BCDIN3D: variants seen among roughly 807,000 people sequenced by gnomAD.
BCDIN3D encodes BCDIN3 domain containing RNA methyltransferase.
In BCDIN3D, 15 loss-of-function variants were observed where a neutral mutation model predicts 21.2. The observed-to-expected ratio is 0.71, with a 90% CI of 0.47 to 1.09. The LOEUF is 1.09. Ranked by LOEUF, BCDIN3D falls within the 50% of genes least tolerant of loss-of-function variation. BCDIN3D has a pLI of 0.00. For missense variants in BCDIN3D, 331 were observed against 366.2 expected, an observed-to-expected ratio of 0.90 and a Z score of 0.79; for synonymous variants, 127 against 141.9, an observed-to-expected ratio of 0.90 and a Z score of 0.75.
intron 1 of BCDIN3D, among the ~76,000 whole-genome samples, chr12:49,842,091 TTGTTTTTGAGACGGAGTCTCGCTCTG>T (rs1946557047): frequency 6.6e-6 from 1 of 152,266 alleles, no homozygotes; most frequent in African/African-American, 2.4e-5. Context: ...CTGTTTTGTT[TTGTTTTTGAGACGGAGTCTCGCTCTG>T]TCGCCCAGGC....
chr12:49,838,271 GT>G lies in BCDIN3D; in HGVS notation c.*99del. ...ACATTTTACCAAAAGCTCCTGCCAG[GT>G]TTTGCGGCTGCCTGATTGTTAAGGA... On this transcript the variant is annotated 3_prime_UTR_variant, in exon 2 of 2. Transcript: ENST00000333924. 2 of 1,284,522 alleles carry G rather than the reference GT, an allele frequency of 1.6e-6. No homozygotes were observed. Among genetic ancestry groups the G allele is most frequent in the South Asian group, 2.9e-5 (2 of 68,658 alleles). The allele number at this position is 1,284,522 out of a possible 1,614,324, so 79.6% of individuals were successfully genotyped here.
rs1416384247 is a variant in BCDIN3D at position 49,839,021 on chromosome 12, G to C, written c.235-6C>G. On this transcript the variant is annotated splice_region_variant and splice_polypyrimidine_tract_variant and intron_variant, in intron 1 of 1. Coordinates refer to ENST00000333924, the MANE Select transcript of BCDIN3D (RefSeq NM_181708.3). ...TATAGAGCCACACTCAGATCCTAGAGGAATCCAAAACAGCTTTGTCACTGC... is the reference window on the plus strand; with the variant it reads ...TATAGAGCCACACTCAGATCCTAGACGAATCCAAAACAGCTTTGTCACTGC... 7 of 1,606,518 alleles carry C rather than the reference G, an allele frequency of 4.4e-6. No individual in the cohort carries two copies. Among genetic ancestry groups the C allele is most frequent in the African/African-American group, 1.3e-5 (1 of 74,680 alleles).
chr12:49,839,490 G>C lies in BCDIN3D; in HGVS notation c.235-475C>G, dbSNP rs78908077. 4.9e-3 allele frequency: 782 copies of C among 159,470 alleles called. 3 individuals carry two copies. The highest frequency in any genetic ancestry group is 8.9e-3 in the Non-Finnish European group (643 of 72,194). The allele number at this position is 159,470 out of a possible 1,614,324, so 9.9% of individuals were successfully genotyped here. On this transcript the variant is annotated intron_variant, in intron 1 of 1. Coordinates refer to ENST00000333924, the MANE Select transcript of BCDIN3D (RefSeq NM_181708.3). ...TCAGACCCGCGGTGGGGGAAGTCTG[G>C]ATTCCAAAGTCCTCATTCAGCCTTC...
At position 49,836,608 on chromosome 12, in the gene BCDIN3D, A is replaced by C. The variant is rs571070858; in HGVS notation, c.*1763T>G. 1 of 152,248 alleles carries C rather than the reference A, an allele frequency of 6.6e-6. No individual in the cohort carries two copies. The highest frequency in any genetic ancestry group is 1.9e-4 in the East Asian group (1 of 5,188). 9.4% of individuals were successfully genotyped at this position (152,248 alleles called of 1,614,324 possible). Reference sequence around the variant, plus strand: ...TAGTTCCATATCCCTCCCTCCCAACACTGCTTCCTTTAAAATGCTCTGTAG... The same window carrying C: ...TAGTTCCATATCCCTCCCTCCCAACCCTGCTTCCTTTAAAATGCTCTGTAG... On this transcript the variant is annotated 3_prime_UTR_variant, in exon 2 of 2. Transcript: ENST00000333924.
Position 49,837,777 on chromosome 12 carries a change from A to T in BCDIN3D, c.*594T>A, listed in dbSNP as rs542256093. On this transcript the variant is annotated 3_prime_UTR_variant, in exon 2 of 2. Transcript: ENST00000333924. ...TAATATCACAAAATTGTATACTTTT[A>T]AAAAAATTATCAATTTATCTTTTAA... 2.0e-5 allele frequency: 3 copies of T among 151,970 alleles called. No homozygotes were observed. The highest frequency in any genetic ancestry group is 1.9e-4 in the East Asian group (1 of 5,174). The allele number at this position is 151,970 out of a possible 1,614,324, so 9.4% of individuals were successfully genotyped here. A position where few individuals can be genotyped will look rare whatever the true frequency, so the allele number is the denominator to read the frequency against.
At chr12:49,839,043 C>T (rs1037605003) in intron 1 of BCDIN3D, 28 bp from the exon 2 acceptor site, 2 of 1,593,984 alleles carry the variant, frequency 1.3e-6, no homozygotes, top group African/African-American at 1.3e-5. Flanking sequence ...AGCTTTGTCA[C>T]TGCAGTTCTC....
chr12:49,838,487 A>T lies in BCDIN3D; in HGVS notation c.763T>A (p.Trp255Arg), dbSNP rs201091329. The T allele has an allele frequency of 1.9e-6, 3 of 1,614,128 alleles. No individual in the cohort carries two copies. Among genetic ancestry groups the T allele is most frequent in the Non-Finnish European group, 2.5e-6 (3 of 1,180,026 alleles). Reference sequence around the variant, plus strand: ...CTGAAGAGCAGAAGGCTTCTGTCCCAACTGGTGTTGCCAAAGCAACATATT... The same window carrying T: ...CTGAAGAGCAGAAGGCTTCTGTCCCTACTGGTGTTGCCAAAGCAACATATT... The part of the protein sequence containing the change: ...ELICCFGNTS[W>R]DRSLLLFRAK... The change falls in exon 2 of 2, where the codon TGG becomes AGG. Residue 255 changes from tryptophan to arginine, a missense_variant. Coordinates refer to ENST00000333924, the MANE Select transcript of BCDIN3D (RefSeq NM_181708.3).
chr12:49,839,077 T>A (rs1420784849), intron 1 of BCDIN3D, 62 bp from the exon 2 acceptor site: 9 of 1,511,270 alleles, frequency 6.0e-6, no homozygotes, highest in Non-Finnish European at 8.1e-6. Flanking sequence ...AAGAGAAATC[T>A]GTATCATTCT....
Position 49,836,957 on chromosome 12 carries a change from C to T in BCDIN3D, c.*1414G>A, listed in dbSNP as rs967216719. 6.6e-6 allele frequency: 1 copy of T among 152,176 alleles called. No homozygotes were observed. The highest frequency in any genetic ancestry group is 2.4e-5 in the African/African-American group (1 of 41,428). 9.4% of individuals were successfully genotyped at this position (152,176 alleles called of 1,614,324 possible). On this transcript the variant is annotated 3_prime_UTR_variant, in exon 2 of 2. Coordinates refer to ENST00000333924, the MANE Select transcript of BCDIN3D (RefSeq NM_181708.3). ...TAGATGACTTTAATATAGGAACCTC[C>T]CACCAGGCACCGGACACATGTATGG...
rs1008612729 is a variant in BCDIN3D, at chr12:49,836,280, A to T, written c.*2091T>A. On this transcript the variant is annotated 3_prime_UTR_variant, in exon 2 of 2. Coordinates refer to ENST00000333924, the MANE Select transcript of BCDIN3D (RefSeq NM_181708.3). Reference sequence around the variant, plus strand: ...GCTCTCCCTCTGCCTCCCTATTATAAGAACACTGATGATTGCACTTAGGGT... The same window carrying T: ...GCTCTCCCTCTGCCTCCCTATTATATGAACACTGATGATTGCACTTAGGGT... The T allele has an allele frequency of 6.6e-6, 1 of 152,184 alleles. No individual in the cohort carries two copies. Among genetic ancestry groups the T allele is most frequent in the Non-Finnish European group, 1.5e-5 (1 of 68,048 alleles). 9.4% of individuals were successfully genotyped at this position (152,184 alleles called of 1,614,324 possible).
rs1473245598 is a variant in BCDIN3D, at chr12:49,838,467, G to T, written c.783C>A (p.Leu261=). 6.2e-7 allele frequency: 1 copy of T among 1,613,924 alleles called. No individual in the cohort carries two copies. The highest frequency in any genetic ancestry group is 8.5e-7 in the Non-Finnish European group (1 of 1,180,040). The change falls in exon 2 of 2, where the codon CTC becomes CTA. Residue 261 remains leucine (L), a synonymous_variant. Transcript: ENST00000333924. ...GNTSWDRSLL[L]FRAKQTIETH... ...TCTCTATGGTTTGTTTTGCCCTGAA[G>T]AGCAGAAGGCTTCTGTCCCAACTGG...
Position 49,837,839 on chromosome 12 carries a change from T to G in BCDIN3D, c.*532A>C, listed in dbSNP as rs541545593. ...AATTTTTGATGGGATTTCCACGTTC[T>G]GAAAAACTGTACTTAAAAACGGTTA... On this transcript the variant is annotated 3_prime_UTR_variant, in exon 2 of 2. Coordinates refer to ENST00000333924, the MANE Select transcript of BCDIN3D (RefSeq NM_181708.3). 2.0e-5 allele frequency: 3 copies of G among 152,328 alleles called. No homozygotes were observed. In the South Asian group the frequency reaches 6.2e-4, roughly 32 times the overall value. 9.4% of individuals were successfully genotyped at this position (152,328 alleles called of 1,614,324 possible).
rs1946523239 is a variant in BCDIN3D at position 49,838,138 on chromosome 12, C to T, written c.*233G>A. The stretch of plus-strand genomic sequence containing the variant: ...CATAACCAGGACCACTTTTCCTAGG[C>T]CATCTCAATCCAGATATCCTAGCTC... On this transcript the variant is annotated 3_prime_UTR_variant, in exon 2 of 2. Coordinates refer to ENST00000333924, the MANE Select transcript of BCDIN3D (RefSeq NM_181708.3). The T allele has an allele frequency of 8.2e-6, 4 of 490,250 alleles. No homozygotes were observed. The South Asian group carries it at 1.0e-4, about 13-fold the overall frequency. 30.4% of individuals were successfully genotyped at this position (490,250 alleles called of 1,614,324 possible).
intron 1 of BCDIN3D, chr12:49,839,297 G>A (rs2137061142): frequency 2.5e-6 from 1 of 402,536 alleles, no homozygotes; most frequent in Non-Finnish European, 4.6e-6. Context: ...ATGCAGCAAA[G>A]GAACCTACAG....
chr12:49,839,100 G>GC, intron 1 of BCDIN3D, 85 bp from the exon 2 acceptor site: 1 of 1,422,080 alleles, frequency 7.0e-7, no homozygotes, highest in Non-Finnish European at 9.5e-7. Context: ...CACTGAGAAT[G>GC]CCACTTACCT....
intron 1 of BCDIN3D, chr12:49,839,289 G>A (rs973872570): frequency 2.4e-6 from 1 of 419,950 alleles, no homozygotes; most frequent in Non-Finnish European, 4.3e-6. Flanking sequence ...CCAAATGGAT[G>A]CAGCAAAGGA....
chr12:49,837,672 C>CA lies in BCDIN3D; in HGVS notation c.*698dup, dbSNP rs1272261594. 1.1e-4 allele frequency: 17 copies of CA among 152,004 alleles called. No homozygotes were observed. The highest frequency in any genetic ancestry group is 9.2e-4 in the Admixed American group (14 of 15,256). The allele number at this position is 152,004 out of a possible 1,614,324, so 9.4% of individuals were successfully genotyped here. A position where few individuals can be genotyped will look rare whatever the true frequency, so the allele number is the denominator to read the frequency against. The stretch of plus-strand genomic sequence containing the variant: ...AGGACTGAATGGAACCGTAAGCACT[C>CA]AAAGTATGGTCTACCTCTGCTTGCC... On this transcript the variant is annotated 3_prime_UTR_variant, in exon 2 of 2. Transcript: ENST00000333924.
At chr12:49,842,773 AG>A (rs1946562052) in intron 1 of BCDIN3D, 80 bp downstream of exon 1, 1 of 1,271,762 alleles carries the variant, frequency 7.9e-7, no homozygotes, top group Admixed American at 2.1e-5. Flanking sequence ...GATGGGTGTT[AG>A]CCCAGGCCAG....
rs1946519953 is a variant in BCDIN3D at position 49,837,785 on chromosome 12, T to C, written c.*586A>G. On this transcript the variant is annotated 3_prime_UTR_variant, in exon 2 of 2. Coordinates refer to ENST00000333924, the MANE Select transcript of BCDIN3D (RefSeq NM_181708.3). ...CAAAATTGTATACTTTTAAAAAAAT[T>C]ATCAATTTATCTTTTAATTTTTTAA... 1 of 152,044 alleles carries C rather than the reference T, an allele frequency of 6.6e-6. No individual in the cohort carries two copies. The highest frequency in any genetic ancestry group is 1.9e-4 in the East Asian group (1 of 5,202). The allele number at this position is 152,044 out of a possible 1,614,324, so 9.4% of individuals were successfully genotyped here. A position where few individuals can be genotyped will look rare whatever the true frequency, so the allele number is the denominator to read the frequency against.
Sources: gnomAD v4.1 joint callset for allele counts (sites outside exome capture counted in the v4.1 genomes callset) on GRCh38, gnomAD v4.1.1 for gene constraint, MANE v1.5 for transcripts, NCBI Gene and HGNC (gene_info 2026-07-23, HGNC 2026-07-21) for gene names.